The following GTF2E2 variants were observed in gnomAD, a reference collection of about 807,000 sequenced individuals.
GTF2E2 encodes the protein general transcription factor IIE subunit 2.
GTF2E2 carries 21 observed loss-of-function variants against 40.5 expected under a neutral mutation model. The ratio of observed to expected loss-of-function variants is 0.52; its 90% CI spans 0.37 to 0.75. The LOEUF (loss-of-function observed/expected upper bound fraction) is 0.75. Ranked by LOEUF, GTF2E2 falls within the 30% of genes least tolerant of loss-of-function variation. GTF2E2 has a pLI of 0.00. For synonymous variants in GTF2E2, 117 were observed against 121.6 expected (o/e 0.96, Z 0.25); for missense variants, 298 against 338.4 (o/e 0.88, Z 0.94).
At position 30,623,370 on chromosome 8, in the gene GTF2E2, T is replaced by A. The variant is rs1255543305; in HGVS notation, c.259-8655A>T. 3.3e-5 allele frequency among the ~76,000 whole-genome samples: 5 copies of A among 152,262 alleles called. No homozygotes were observed. The East Asian group carries it at 9.6e-4, about 29-fold the overall frequency. On this transcript the variant is annotated intron_variant, in intron 3 of 7. Transcript: ENST00000355904. The stretch of plus-strand genomic sequence containing the variant: ...TTCATCCATGTCCCTACAAAGGACA[T>A]GAACTCATCATTTTTTATGGCTGCA...
chr8:30,632,677 G>A (rs1801475956), intron 3 of GTF2E2, among the ~76,000 whole-genome samples: 1 of 152,130 alleles, frequency 6.6e-6, no homozygotes, highest in Non-Finnish European at 1.5e-5. Flanking sequence ...CATTTGATAA[G>A]CCTTTTTGAT....
intron 5 of GTF2E2, 25 bp from the exon 6 acceptor site, chr8:30,607,175 T>C (rs751458370): frequency 1.3e-5 from 12 of 946,288 alleles, no homozygotes; most frequent in Non-Finnish European, 1.9e-5. Context: ...AAATAAAGAT[T>C]TTTCAGTTAA....
chr8:30,635,870 A>T (rs1438247357), intron 2 of GTF2E2, among the ~76,000 whole-genome samples: 1 of 152,232 alleles, frequency 6.6e-6, no homozygotes, highest in Non-Finnish European at 1.5e-5. Flanking sequence ...CTGCTTACCA[A>T]TTTAAGACCA....
chr8:30,617,228 G>C (rs537144316), intron 3 of GTF2E2, among the ~76,000 whole-genome samples: 42 of 152,232 alleles, frequency 2.8e-4, no homozygotes, highest in Admixed American at 4.6e-4. Flanking sequence ...CAAACTAGAA[G>C]GTACAGACAG....
chr8:30,589,011 T>C (rs986833650), intron 6 of GTF2E2, among the ~76,000 whole-genome samples: 3 of 152,004 alleles, frequency 2.0e-5, no homozygotes, highest in East Asian at 3.9e-4. Context: ...CCCAGCACTT[T>C]TGGAGGCTGA....
intron 2 of GTF2E2, among the ~76,000 whole-genome samples, chr8:30,646,590 A>G (rs1802083549): frequency 6.6e-6 from 1 of 152,238 alleles, no homozygotes; most frequent in Non-Finnish European, 1.5e-5. Flanking sequence ...AGCTCAAGGT[A>G]CAAAGATTTT....
At chr8:30,655,380 TA>T (rs975809031) in intron 1 of GTF2E2, among the ~76,000 whole-genome samples, 2 of 152,140 alleles carry the variant, frequency 1.3e-5, no homozygotes, top group Non-Finnish European at 2.9e-5. Context: ...TGAACTCTGC[TA>T]GAACCCTACA....
chr8:30,626,202 T>A (rs532358063), intron 3 of GTF2E2, among the ~76,000 whole-genome samples: 1 of 152,150 alleles, frequency 6.6e-6, no homozygotes, highest in Non-Finnish European at 1.5e-5. Flanking sequence ...AAAAGTAAAA[T>A]GTAGCTGGGA....
chr8:30,611,448 A>G (rs970087521), intron 5 of GTF2E2, among the ~76,000 whole-genome samples: 2 of 152,186 alleles, frequency 1.3e-5, no homozygotes, highest in Admixed American at 6.5e-5. Context: ...AACAAAAGAT[A>G]CTTGTCACGA....
chr8:30,584,224 TTC>T lies in GTF2E2; in HGVS notation c.644-3830_644-3829del, dbSNP rs1828607185. Among the ~76,000 whole-genome samples, 5 of 152,196 alleles carry T rather than the reference TTC, an allele frequency of 3.3e-5. No homozygotes were observed. The South Asian group carries it at 1.0e-3, about 32-fold the overall frequency. On this transcript the variant is annotated intron_variant, in intron 6 of 7. Coordinates refer to ENST00000355904, the MANE Select transcript of GTF2E2 (RefSeq NM_002095.6). Reference sequence around the variant, plus strand: ...TTTTTTTTTTTTCCTCCAGTTTTTCTTCTTTCTCTCACTTTCTGGCGGTACTA... The same window carrying T: ...TTTTTTTTTTTTCCTCCAGTTTTTCTTTTCTCTCACTTTCTGGCGGTACTA...
At chr8:30,631,155 C>T (rs1280562069) in intron 3 of GTF2E2, among the ~76,000 whole-genome samples, 3 of 152,006 alleles carry the variant, frequency 2.0e-5, no homozygotes, top group Admixed American at 6.6e-5. Context: ...AAAGTAGCTG[C>T]GGTTACAGGC....
chr8:30,634,770 C>G (rs1369560770), intron 3 of GTF2E2, among the ~76,000 whole-genome samples: 1 of 152,148 alleles, frequency 6.6e-6, no homozygotes, highest in Non-Finnish European at 1.5e-5. Context: ...CCTAGGCACA[C>G]TCTTATTAAG....
chr8:30,638,287 C>T (rs1049357836), intron 2 of GTF2E2, among the ~76,000 whole-genome samples: 8 of 152,196 alleles, frequency 5.3e-5, no homozygotes, highest in Admixed American at 4.6e-4. Context: ...CCTTTCCCGA[C>T]ATTATCTTCC....
chr8:30,653,525 C>A lies in GTF2E2; in HGVS notation c.74G>T (p.Arg25Leu), dbSNP rs191911969. 1 of 1,612,958 alleles carries A rather than the reference C, an allele frequency of 6.2e-7. No individual in the cohort carries two copies. Residue 25 changes from arginine (R) to leucine (L), a missense_variant, in exon 2 of 8, where the codon CGT becomes CTT. By Grantham distance (102) the Arg-to-Leu change is moderately radical (BLOSUM62 -2). Coordinates refer to ENST00000355904, the MANE Select transcript of GTF2E2 (RefSeq NM_002095.6). ...TGATGATGACTCAGAAGATGCTGAA[C>A]GTTTTTCTACTACAGGAGTAGAAAG... Reference protein sequence around the residue: ...RALSTPVVEKRSASSESSSSS... With the variant: ...RALSTPVVEKLSASSESSSSS...
intron 6 of GTF2E2, among the ~76,000 whole-genome samples, chr8:30,601,941 T>C (rs1395642057): frequency 6.6e-6 from 1 of 152,150 alleles, no homozygotes; most frequent in East Asian, 1.9e-4. Flanking sequence ...GACTCTACAA[T>C]AGAAAGATAT....
intron 3 of GTF2E2, among the ~76,000 whole-genome samples, chr8:30,625,351 A>C (rs1032201022): frequency 3.0e-4 from 46 of 152,222 alleles, no homozygotes; most frequent in South Asian, 8.3e-4. Context: ...CTTGCATCCC[A>C]GGGTGAAATC....
chr8:30,604,121 G>A (rs752834373), intron 6 of GTF2E2, among the ~76,000 whole-genome samples: 7 of 152,038 alleles, frequency 4.6e-5, no homozygotes, highest in Non-Finnish European at 8.8e-5. Context: ...GAGGGGGGGA[G>A]AGGAAGAAAA....
At chr8:30,629,543 G>A (rs1801378234) in intron 3 of GTF2E2, among the ~76,000 whole-genome samples, 1 of 152,074 alleles carries the variant, frequency 6.6e-6, no homozygotes, top group East Asian at 1.9e-4. Flanking sequence ...AAAAAAATTA[G>A]CCAGGCGTGG....
chr8:30,609,918 C>A (rs760260111), intron 5 of GTF2E2, among the ~76,000 whole-genome samples: 4 of 152,164 alleles, frequency 2.6e-5, no homozygotes, highest in Non-Finnish European at 5.9e-5. Flanking sequence ...CACCTTCTGC[C>A]ATGATTATAA....
Sources: gnomAD v4.1 joint callset for allele counts (sites outside exome capture counted in the v4.1 genomes callset) on GRCh38, gnomAD v4.1.1 for gene constraint, MANE v1.5 for transcripts, NCBI Gene and HGNC (gene_info 2026-07-23, HGNC 2026-07-21) for gene names.